GALNT13: variants seen among roughly 807,000 people sequenced by gnomAD.
GALNT13 encodes polypeptide N-acetylgalactosaminyltransferase 13, also known as UDP-GalNAc:polypeptide N-acetylgalactosaminyltransferase 13.
Under a neutral mutation model 64.2 loss-of-function variants are expected in GALNT13, and 28 were observed. That is an observed-to-expected ratio of 0.44 (90% CI 0.32 to 0.60). GALNT13 has a LOEUF of 0.60. Ranked by LOEUF, GALNT13 falls within the 20% of genes least tolerant of loss-of-function variation. The probability of loss-of-function intolerance (pLI) is 0.05; values close to 1 mark genes in which losing one functional copy is unlikely to be tolerated. For synonymous variants in GALNT13, 214 were observed against 224.6 expected, an observed-to-expected ratio of 0.95 and a Z score of 0.42; for missense variants, 577 against 669.8, an observed-to-expected ratio of 0.86 and a Z score of 1.53.
At chr2:153,801,913 T>C in the GALNT13 span, among the ~76,000 whole-genome samples, 1 of 152,186 alleles carries the variant, frequency 6.6e-6, no homozygotes, top group East Asian at 1.9e-4. Context: ...TTATTTTGTG[T>C]CTCCTGTGTC....
intron 1 of GALNT13, among the ~76,000 whole-genome samples, chr2:153,894,033 A>T (rs767829273): frequency 6.6e-6 from 1 of 152,128 alleles, no homozygotes; most frequent in Non-Finnish European, 1.5e-5. Flanking sequence ...TCCAGTTTTC[A>T]TCCCAGAAGA....
the GALNT13 span, among the ~76,000 whole-genome samples, chr2:153,591,786 G>C: frequency 6.6e-6 from 1 of 151,850 alleles, no homozygotes; most frequent in Non-Finnish European, 1.5e-5. Flanking sequence ...TTATGATGAA[G>C]ATTTCAAAAG....
At chr2:153,094,862 C>T in the GALNT13 span, among the ~76,000 whole-genome samples, 1 of 152,150 alleles carries the variant, frequency 6.6e-6, no homozygotes, top group East Asian at 1.9e-4. Flanking sequence ...TGGATCCCTT[C>T]CTTACACCTT....
chr2:154,189,647 C>T (rs1162561211), intron 4 of GALNT13, among the ~76,000 whole-genome samples: 3 of 150,858 alleles, frequency 2.0e-5, no homozygotes, highest in African/African-American at 7.3e-5. Flanking sequence ...TTGAAGCAGA[C>T]TAAGACAGAT....
intron 3 of GALNT13, among the ~76,000 whole-genome samples, chr2:154,083,075 A>G (rs563263464): frequency 4.6e-5 from 7 of 151,780 alleles, no homozygotes; most frequent in Non-Finnish European, 1.0e-4. Flanking sequence ...ATCCATCCTG[A>G]GTTAATTTTT....
intron 3 of GALNT13, among the ~76,000 whole-genome samples, chr2:154,064,512 A>G (rs1423645821): frequency 2.0e-5 from 3 of 152,102 alleles, no homozygotes; most frequent in East Asian, 1.9e-4. Flanking sequence ...AGTAAAGAGT[A>G]CTTTGTCTTG....
the GALNT13 span, among the ~76,000 whole-genome samples, chr2:153,831,410 C>T: frequency 1.6e-4 from 24 of 152,182 alleles, no homozygotes; most frequent in African/African-American, 5.8e-4. Flanking sequence ...TGCTTCTTCT[C>T]ATCGGCTTCC....
At chr2:153,311,407 C>G in the GALNT13 span, among the ~76,000 whole-genome samples, 1 of 152,182 alleles carries the variant, frequency 6.6e-6, no homozygotes, top group Non-Finnish European at 1.5e-5. Context: ...TATCAGATAT[C>G]TATTGGTGCA....
the GALNT13 span, among the ~76,000 whole-genome samples, chr2:153,531,982 T>A: frequency 1.3e-5 from 2 of 152,184 alleles, no homozygotes; most frequent in East Asian, 3.9e-4. Flanking sequence ...TTTGAGTGCC[T>A]TCAGCTTTCC....
the GALNT13 span, among the ~76,000 whole-genome samples, chr2:153,826,346 G>A: frequency 6.6e-6 from 1 of 152,228 alleles, no homozygotes; most frequent in South Asian, 2.1e-4. Context: ...CCCTTACTGA[G>A]GGCAGAGTCA....
intron 4 of GALNT13, among the ~76,000 whole-genome samples, chr2:154,152,443 C>A (rs148034360): frequency 1.3e-5 from 2 of 151,998 alleles, no homozygotes; most frequent in Non-Finnish European, 2.9e-5. Flanking sequence ...ATCTTTGTGG[C>A]GTTCTCTGTA....
At chr2:153,477,429 T>C in the GALNT13 span, 1 of 152,588 alleles carries the variant, frequency 6.6e-6, no homozygotes, top group Non-Finnish European at 1.5e-5. Flanking sequence ...AGCACTTTTG[T>C]GGCGTAAACC....
chr2:153,359,630 C>CAAAA, the GALNT13 span, among the ~76,000 whole-genome samples: 432 of 38,240 alleles, frequency 0.011, 81 homozygotes, highest in Middle Eastern at 0.033. Flanking sequence ...CAGCTTTCAG[C>CAAAA]AAAAAAAAAA....
intron 9 of GALNT13, among the ~76,000 whole-genome samples, chr2:154,313,704 T>C (rs1211854703): frequency 6.4e-4 from 97 of 151,836 alleles, no homozygotes; most frequent in Non-Finnish European, 1.1e-3. Flanking sequence ...CTGCCCACCT[T>C]GGCCTCCCAA....
rs1197109089 is a variant in GALNT13, at chr2:154,217,496, C to T, written c.312-24534C>T. Among the ~76,000 whole-genome samples, 4 of 152,028 alleles carry T rather than the reference C, an allele frequency of 2.6e-5. No homozygotes were observed. The East Asian group carries it at 7.7e-4, about 29-fold the overall frequency. Reference sequence around the variant, plus strand: ...GTATCATATGTTCTATTCTAATTTACATACTTTTTGTTTTGAATGACATCA... The same window carrying T: ...GTATCATATGTTCTATTCTAATTTATATACTTTTTGTTTTGAATGACATCA... On this transcript the variant is annotated intron_variant, in intron 4 of 12. Transcript: ENST00000392825.
chr2:153,440,941 C>G, the GALNT13 span, among the ~76,000 whole-genome samples: 8 of 152,018 alleles, frequency 5.3e-5, no homozygotes, highest in African/African-American at 9.7e-5. Context: ...TGCAGAAGCT[C>G]TTTAGTTTAA....
At chr2:154,192,814 G>A (rs944011032) in intron 4 of GALNT13, among the ~76,000 whole-genome samples, 3 of 152,194 alleles carry the variant, frequency 2.0e-5, no homozygotes, top group African/African-American at 7.2e-5. Context: ...TAAGGCTTAT[G>A]TGTAGCTTGA....
chr2:153,953,433 G>T (rs1340519681), intron 3 of GALNT13, among the ~76,000 whole-genome samples: 1 of 151,970 alleles, frequency 6.6e-6, no homozygotes, highest in Admixed American at 6.6e-5. Context: ...TGTAAAGTTG[G>T]CATTATTATT....
the GALNT13 span, among the ~76,000 whole-genome samples, chr2:153,206,200 T>A: frequency 2.0e-5 from 3 of 152,096 alleles, no homozygotes; most frequent in Non-Finnish European, 4.4e-5. Context: ...GAGGGTTTGT[T>A]GTGATATTTA....
Sources: allele counts gnomAD v4.1 joint callset (sites outside exome capture counted in the v4.1 genomes callset), GRCh38; gene constraint gnomAD v4.1.1; transcripts MANE v1.5; gene names NCBI Gene and HGNC (gene_info 2026-07-23, HGNC 2026-07-21).